The following CREBBP variants were observed in gnomAD, a reference collection of about 807,000 sequenced individuals.
CREBBP encodes the protein CREB-binding protein.
A neutral mutation model predicts 265.0 loss-of-function variants in CREBBP; 19 were observed. The ratio of observed to expected loss-of-function variants is 0.07; its 90% confidence interval spans 0.05 to 0.11. The LOEUF (loss-of-function observed/expected upper bound fraction) is 0.11. Ranked by LOEUF, CREBBP falls within the 10% of genes least tolerant of loss-of-function variation. CREBBP has a pLI of 1.00. For missense variants in CREBBP, 2,525 were observed against 3,219.0 expected (o/e 0.78, Z 5.22); for synonymous variants, 1,457 against 1,223.7 (o/e 1.19, Z -3.98).
chr16:3,756,222 C>T (rs920222760), intron 19 of CREBBP, among the ~76,000 whole-genome samples: 8 of 152,212 alleles, frequency 5.3e-5, no homozygotes, highest in Non-Finnish European at 1.0e-4. Context: ...AGACAAAGAA[C>T]AGGCACAAAC....
intron 1 of CREBBP, among the ~76,000 whole-genome samples, chr16:3,866,601 T>A (rs8049192): frequency 0.015 from 2,240 of 152,284 alleles, 61 homozygotes; most frequent in African/African-American, 0.052. Context: ...TGAATTTTTT[T>A]AACTAGTTTT....
chr16:3,797,162 C>CCT (rs1567321132), intron 3 of CREBBP, among the ~76,000 whole-genome samples: 1 of 152,168 alleles, frequency 6.6e-6, no homozygotes, highest in East Asian at 1.9e-4. Context: ...TACTTCGGAA[C>CCT]CTCCCTTTAA....
chr16:3,814,208 TCTC>T (rs56961238), intron 2 of CREBBP, among the ~76,000 whole-genome samples: 2 of 138,834 alleles, frequency 1.4e-5, no homozygotes, highest in African/African-American at 5.6e-5. Flanking sequence ...TGAGACAGAG[TCTC>T]GTTCTGTGTG....
Position 3,845,601 on chromosome 16 carries a change from G to C in CREBBP, c.798+4696C>G, listed in dbSNP as rs555717955. ...AAAATAAATTGAGTTAAAGATTCAA[G>C]GAGGCCAGACACGGTGGCTCACGCC... On this transcript the variant is annotated intron_variant, in intron 2 of 30. Coordinates refer to ENST00000262367, the MANE Select transcript of CREBBP (RefSeq NM_004380.3). 5.9e-4 allele frequency among the ~76,000 whole-genome samples: 90 copies of C among 152,168 alleles called. 1 individual carries two copies. The highest frequency in any genetic ancestry group is 3.4e-3 in the Middle Eastern group (1 of 294).
Position 3,751,728 on chromosome 16 carries a change from C to A in CREBBP, c.3777G>T (p.Gln1259His). Reference sequence around the variant, plus strand: ...GAAAATGACAGGACGGTACTTACGTCTGGGGCTGTGAAGGGTCGTCACCCA... The same window carrying A: ...GAAAATGACAGGACGGTACTTACGTATGGGGCTGTGAAGGGTCGTCACCCA... ...VTLGDDPSQP[Q>H]TTISKDQFEK... Residue 1259 changes from glutamine to histidine, a missense_variant and splice_region_variant, in exon 20 of 31, where the codon CAG (glutamine) becomes CAT (histidine). Physicochemically the swap from Gln to His is conservative, Grantham distance 24. This residue lies in a region of CREBBP where 252 missense variants were observed against 452.5 expected (regional missense o/e 0.56). Transcript: ENST00000262367. The A allele has an allele frequency of 6.2e-7, 1 of 1,614,114 alleles. No homozygotes were observed. The highest frequency in any genetic ancestry group is 8.5e-7 in the Non-Finnish European group (1 of 1,179,982).
rs191465646 is a variant in CREBBP at position 3,753,704 on chromosome 16, A to G, written c.3699-1898T>C. Among the ~76,000 whole-genome samples, 9 of 152,288 alleles carry G rather than the reference A, an allele frequency of 5.9e-5. No homozygotes were observed. The South Asian group carries it at 1.0e-3, about 18-fold the overall frequency. Reference sequence around the variant, plus strand: ...AGGAATTAAAGTACAGAAACTATAAACCAATTCAGTGGCAACCAAAACAAT... The same window carrying G: ...AGGAATTAAAGTACAGAAACTATAAGCCAATTCAGTGGCAACCAAAACAAT... On this transcript the variant is annotated intron_variant, in intron 19 of 30. Transcript: ENST00000262367.
Position 3,786,602 on chromosome 16 carries a change from CGA to C in CREBBP, c.1331-3678_1331-3677del, listed in dbSNP as rs529702369. On this transcript the variant is annotated intron_variant, in intron 5 of 30. Transcript: ENST00000262367. ...TGCTACAGCTGATGCTTCACCAGCACGAGAGTGAGCCACGGGGTCACCCAACG... is the reference window on the plus strand; with the variant it reads ...TGCTACAGCTGATGCTTCACCAGCACGAGTGAGCCACGGGGTCACCCAACG... Among the ~76,000 whole-genome samples, 75 of 152,232 alleles carry C rather than the reference CGA, an allele frequency of 4.9e-4. 3 individuals carry two copies. In the South Asian group the frequency reaches 0.015, roughly 29 times the overall value.
At chr16:3,801,823 A>T (rs1596965988) in intron 3 of CREBBP, among the ~76,000 whole-genome samples, 1 of 152,312 alleles carries the variant, frequency 6.6e-6, no homozygotes, top group South Asian at 2.1e-4. Flanking sequence ...AGCGAGGATC[A>T]TTTCACATGC....
intron 3 of CREBBP, among the ~76,000 whole-genome samples, chr16:3,809,862 T>TCAG (rs1469891719): frequency 6.6e-6 from 1 of 152,154 alleles, no homozygotes; most frequent in African/African-American, 2.4e-5. Flanking sequence ...GGTCAGGCTC[T>TCAG]CAGCAACAAG....
At chr16:3,879,134 A>G (rs775171464) in intron 1 of CREBBP, among the ~76,000 whole-genome samples, 4 of 152,212 alleles carry the variant, frequency 2.6e-5, no homozygotes, top group Admixed American at 1.3e-4. Flanking sequence ...GAAGTTATAC[A>G]TGGAAATGAA....
At chr16:3,838,271 T>G (rs1256025249) in intron 2 of CREBBP, among the ~76,000 whole-genome samples, 3 of 152,214 alleles carry the variant, frequency 2.0e-5, no homozygotes, top group African/African-American at 7.2e-5. Context: ...TAACATGATG[T>G]ACAGATTTAT....
At chr16:3,761,464 A>C (rs997201373) in intron 16 of CREBBP, 8 of 501,334 alleles carry the variant, frequency 1.6e-5, no homozygotes, top group African/African-American at 1.6e-4. Context: ...AAAAGTTAAA[A>C]GTTGGAAGGA....
intron 1 of CREBBP, among the ~76,000 whole-genome samples, chr16:3,867,863 T>A (rs112230232): frequency 3.3e-5 from 5 of 151,914 alleles, no homozygotes; most frequent in African/African-American, 1.2e-4. Flanking sequence ...AAGGTGGACA[T>A]TGCAGTGAGC....
rs757539209 is a variant in CREBBP at position 3,727,808 on chromosome 16, G to A, written c.7239C>T (p.Asn2413=). ...TGGACAGCGCACTCCTGCTGGGGGTGTTCAGCTGGGGGAGCATTGCACTCT... is the reference window on the plus strand; with the variant it reads ...TGGACAGCGCACTCCTGCTGGGGGTATTCAGCTGGGGGAGCATTGCACTCT... ...PEQSAMLPQL[N]TPSRSALSSE... Residue 2413 remains asparagine (N), a synonymous_variant, in exon 31 of 31, where the codon AAC becomes AAT. Transcript: ENST00000262367. 6 of 1,614,078 alleles carry A rather than the reference G, an allele frequency of 3.7e-6. No individual in the cohort carries two copies. The highest frequency in any genetic ancestry group is 5.1e-6 in the Non-Finnish European group (6 of 1,180,058).
chr16:3,737,984 C>T (rs982373876), intron 26 of CREBBP, among the ~76,000 whole-genome samples: 1 of 152,032 alleles, frequency 6.6e-6, no homozygotes, highest in South Asian at 2.1e-4. Context: ...GACAGGGTTT[C>T]ACCATGTTGG....
At chr16:3,733,565 G>C (rs1429270447) in intron 28 of CREBBP, among the ~76,000 whole-genome samples, 1 of 152,172 alleles carries the variant, frequency 6.6e-6, no homozygotes, top group Non-Finnish European at 1.5e-5. Context: ...ACTAAGGTAA[G>C]ACATTAGTAA....
In CREBBP at chr16:3,729,415, G is replaced by A. The variant is rs758163346; in HGVS notation, c.5632C>T (p.Pro1878Ser). ...GTAGGAGAAGGCAGACTCTGCTGAGGCACGTTGCGGGTGTTCATGGTGGCC... is the reference window on the plus strand; with the variant it reads ...GTAGGAGAAGGCAGACTCTGCTGAGACACGTTGCGGGTGTTCATGGTGGCC... ...RMATMNTRNVPQQSLPSPTSA... is the reference protein window; with the variant it reads ...RMATMNTRNVSQQSLPSPTSA... Residue 1878 changes from proline (P) to serine (S), a missense_variant, in exon 31 of 31, where the codon CCT becomes TCT. Coordinates refer to ENST00000262367, the MANE Select transcript of CREBBP (RefSeq NM_004380.3). The A allele has an allele frequency of 3.1e-6, 5 of 1,613,198 alleles. 1 individual carries two copies. The South Asian group carries it at 4.4e-5, about 14-fold the overall frequency.
At chr16:3,854,954 C>T (rs1057272890) in intron 1 of CREBBP, among the ~76,000 whole-genome samples, 2 of 152,186 alleles carry the variant, frequency 1.3e-5, no homozygotes, top group Non-Finnish European at 2.9e-5. Context: ...ACACTGTTCT[C>T]CTAAGTACTT....
In CREBBP at chr16:3,745,259, C is replaced by T. The variant is rs2151355194; in HGVS notation, c.3914+18G>A. Reference sequence around the variant, plus strand: ...GCTCTGTGCAGAACTGCCCTCCAGGCCAGGGGAAACAACTCACCCTGAAGG... The same window carrying T: ...GCTCTGTGCAGAACTGCCCTCCAGGTCAGGGGAAACAACTCACCCTGAAGG... On this transcript the variant is annotated intron_variant, in intron 22 of 30. Coordinates refer to ENST00000262367, the MANE Select transcript of CREBBP (RefSeq NM_004380.3). 1 of 1,610,612 alleles carries T rather than the reference C, an allele frequency of 6.2e-7. No homozygotes were observed. Among genetic ancestry groups the T allele is most frequent in the Non-Finnish European group, 8.5e-7 (1 of 1,177,812 alleles).
Sources: gnomAD v4.1 joint callset for allele counts (sites outside exome capture counted in the v4.1 genomes callset) on GRCh38, gnomAD v4.1.1 for gene constraint, gnomAD v4.1.1 regional missense constraint, MANE v1.5 for transcripts, NCBI Gene and HGNC (gene_info 2026-07-23, HGNC 2026-07-21) for gene names.